CAMKMT: variants seen among roughly 807,000 people sequenced by gnomAD.
The protein encoded by CAMKMT is calmodulin-lysine N-methyltransferase.
In CAMKMT, 53 loss-of-function variants were observed where a neutral mutation model predicts 48.0. That is an observed-to-expected ratio of 1.10 (90% CI 0.89 to 1.39). CAMKMT has a LOEUF of 1.39. Ranked by LOEUF, CAMKMT falls within the 40% of genes most tolerant of loss-of-function variation. The pLI, the probability that CAMKMT is intolerant of heterozygous loss-of-function variation, is 0.00. For missense variants in CAMKMT, 428 were observed against 402.7 expected, an observed-to-expected ratio of 1.06 and a Z score of -0.54; for synonymous variants, 165 against 152.3, an observed-to-expected ratio of 1.08 and a Z score of -0.61.
At position 44,700,569 on chromosome 2, in the gene CAMKMT, G is replaced by A. The variant is rs572430097; in HGVS notation, c.377-3714G>A. ...ATAGGGAGGCCTGGGGAGAGGGAGA[G>A]AGATGGGGGAATGCCGACTGGTGGA... On this transcript the variant is annotated intron_variant, in intron 3 of 10. Transcript: ENST00000378494. Among the ~76,000 whole-genome samples the A allele has an allele frequency of 3.9e-5, 6 of 152,240 alleles. No homozygotes were observed. In the South Asian group the frequency reaches 1.0e-3, roughly 26 times the overall value.
chr2:44,764,055 T>C (rs976124682), intron 9 of CAMKMT, among the ~76,000 whole-genome samples: 1 of 152,168 alleles, frequency 6.6e-6, no homozygotes, highest in African/African-American at 2.4e-5. Context: ...ATGGAGACTT[T>C]TGCTGTCCTG....
chr2:44,595,093 C>T (rs574757103), intron 3 of CAMKMT, among the ~76,000 whole-genome samples: 5 of 152,182 alleles, frequency 3.3e-5, no homozygotes, highest in African/African-American at 9.6e-5. Flanking sequence ...AAATCAAAAC[C>T]GCAATGAGAT....
intron 3 of CAMKMT, among the ~76,000 whole-genome samples, chr2:44,607,509 T>G (rs1400213857): frequency 6.6e-6 from 1 of 152,206 alleles, no homozygotes; most frequent in African/African-American, 2.4e-5. Context: ...CACCAGTGAT[T>G]TACTCAAAAA....
chr2:44,361,979 C>T lies in CAMKMT; in HGVS notation c.-29C>T. On this transcript the variant is annotated 5_prime_UTR_variant, in exon 1 of 11. Transcript: ENST00000378494. ...GGCAGGGGACGAGCTGCGGCGGTGG[C>T]ACCTCCGGGTGTGGAAGGCTCCAGT... The T allele has an allele frequency of 7.3e-7, 1 of 1,364,058 alleles. No individual in the cohort carries two copies. The highest frequency in any genetic ancestry group is 3.1e-5 in the East Asian group (1 of 32,302). 84.5% of individuals were successfully genotyped at this position (1,364,058 alleles called of 1,614,324 possible).
At chr2:44,722,971 C>A (rs899841657) in intron 7 of CAMKMT, among the ~76,000 whole-genome samples, 1 of 152,132 alleles carries the variant, frequency 6.6e-6, no homozygotes. Flanking sequence ...AGGAAAATAT[C>A]CCTCTTTTGG....
chr2:44,431,554 A>G (rs1008637059), intron 3 of CAMKMT, among the ~76,000 whole-genome samples: 1 of 152,188 alleles, frequency 6.6e-6, no homozygotes, highest in African/African-American at 2.4e-5. Flanking sequence ...TAGACTTTCT[A>G]AATCTTGCTG....
chr2:44,726,631 C>T (rs1678802286), intron 7 of CAMKMT, among the ~76,000 whole-genome samples: 1 of 152,160 alleles, frequency 6.6e-6, no homozygotes, highest in African/African-American at 2.4e-5. Flanking sequence ...AATCAGGTCA[C>T]ACGTGTCTAT....
chr2:44,540,848 A>G (rs549297470), intron 3 of CAMKMT, among the ~76,000 whole-genome samples: 18 of 152,342 alleles, frequency 1.2e-4, no homozygotes, highest in African/African-American at 3.6e-4. Flanking sequence ...AAAAATTTAT[A>G]TTTATATATG....
chr2:44,584,721 G>T (rs888553251), intron 3 of CAMKMT, among the ~76,000 whole-genome samples: 2 of 152,000 alleles, frequency 1.3e-5, no homozygotes, highest in Non-Finnish European at 2.9e-5. Flanking sequence ...GAGGTCTAGT[G>T]GCCTAAAGTG....
At position 44,514,877 on chromosome 2, in the gene CAMKMT, G is replaced by A. The variant is rs114765742; in HGVS notation, c.376+124572G>A. On this transcript the variant is annotated intron_variant, in intron 3 of 10. Transcript: ENST00000378494. ...AGATAAGTATATATAAAAGGAATAT[G>A]ATGGATACTCATAAATCATAGGATA... Among the ~76,000 whole-genome samples, 589 of 152,338 alleles carry A rather than the reference G, an allele frequency of 3.9e-3. 3 individuals are homozygous for A. The highest frequency in any genetic ancestry group is 0.014 in the African/African-American group (564 of 41,576).
intron 3 of CAMKMT, among the ~76,000 whole-genome samples, chr2:44,512,331 G>A (rs375277225): frequency 1.2e-4 from 18 of 152,180 alleles, no homozygotes; most frequent in African/African-American, 3.9e-4. Context: ...TCATAGGTTT[G>A]CTGTAGGGAT....
At chr2:44,502,759 C>T (rs1489913463) in intron 3 of CAMKMT, among the ~76,000 whole-genome samples, 2 of 151,892 alleles carry the variant, frequency 1.3e-5, no homozygotes, top group Non-Finnish European at 2.9e-5. Flanking sequence ...TTCAACTGTC[C>T]CTTAAGGAAA....
chr2:44,397,471 T>G (rs1681960188), intron 3 of CAMKMT, among the ~76,000 whole-genome samples: 1 of 152,186 alleles, frequency 6.6e-6, no homozygotes, highest in Non-Finnish European at 1.5e-5. Context: ...CTTTGATTCT[T>G]AGTCTGTGTT....
At chr2:44,508,229 C>A (rs1404824854) in intron 3 of CAMKMT, among the ~76,000 whole-genome samples, 1 of 152,132 alleles carries the variant, frequency 6.6e-6, no homozygotes, top group Non-Finnish European at 1.5e-5. Flanking sequence ...AATCACAGTG[C>A]CTTATTCAGC....
intron 7 of CAMKMT, among the ~76,000 whole-genome samples, chr2:44,730,472 T>C (rs1463241806): frequency 2.0e-5 from 3 of 152,248 alleles, no homozygotes; most frequent in Non-Finnish European, 2.9e-5. Flanking sequence ...GAGGAACATG[T>C]CCTCATTGTA....
intron 9 of CAMKMT, among the ~76,000 whole-genome samples, chr2:44,763,411 C>T (rs1680698082): frequency 6.6e-6 from 1 of 152,176 alleles, no homozygotes. Context: ...TTCCCAAAGA[C>T]TCAAATTCTT....
At chr2:44,417,398 A>C (rs1683632443) in intron 3 of CAMKMT, among the ~76,000 whole-genome samples, 1 of 152,144 alleles carries the variant, frequency 6.6e-6, no homozygotes, top group South Asian at 2.1e-4. Flanking sequence ...CTGTCTCAAA[A>C]AATAAAAAAT....
intron 3 of CAMKMT, among the ~76,000 whole-genome samples, chr2:44,588,368 G>A (rs1305155313): frequency 1.9e-5 from 1 of 52,908 alleles, no homozygotes; most frequent in Non-Finnish European, 3.8e-5. Flanking sequence ...TCCTCTGCCC[G>A]GCCGCGCCTA....
chr2:44,612,758 A>G (rs919934400), intron 3 of CAMKMT, among the ~76,000 whole-genome samples: 3 of 152,228 alleles, frequency 2.0e-5, no homozygotes, highest in Non-Finnish European at 2.9e-5. Context: ...TTATTAAATT[A>G]TAACAGGGAC....
Sources: gnomAD v4.1 joint callset for allele counts (sites outside exome capture counted in the v4.1 genomes callset) on GRCh38, gnomAD v4.1.1 for gene constraint, MANE v1.5 for transcripts, NCBI Gene and HGNC (gene_info 2026-07-23, HGNC 2026-07-21) for gene names.